IGFL4: variants seen among roughly 807,000 people sequenced by gnomAD.
The protein encoded by IGFL4 is IGF like family member 4, also known as insulin growth factor-like family member 4.
Under a neutral mutation model 15.4 loss-of-function variants are expected in IGFL4, and 12 were observed. That is an observed-to-expected ratio of 0.78 (90% CI 0.50 to 1.26). The LOEUF (loss-of-function observed/expected upper bound fraction) is 1.26, where lower values mean the gene tolerates loss of function less well. Ranked by LOEUF, IGFL4 falls within the 50% of genes most tolerant of loss-of-function variation. The pLI is 0.00. For synonymous variants in IGFL4, 54 were observed against 55.9 expected (o/e 0.97, Z 0.16); for missense variants, 126 against 147.8 (o/e 0.85, Z 0.76).
At chr19:46,067,145 C>G (rs963453265) in intron 1 of IGFL4, among the ~76,000 whole-genome samples, 1 of 152,162 alleles carries the variant, frequency 6.6e-6, no homozygotes, top group African/African-American at 2.4e-5. Flanking sequence ...TCTCCTTGTG[C>G]CTGCTTCAAA....
chr19:46,076,575 T>C (rs941328184), intron 1 of IGFL4, among the ~76,000 whole-genome samples: 21 of 151,790 alleles, frequency 1.4e-4, no homozygotes, highest in Non-Finnish European at 2.9e-4. Context: ...TCCGTGGTTC[T>C]AGTTCTTCCT....
At chr19:46,058,017 A>G (rs1319655187) in intron 2 of IGFL4, 1 of 152,122 alleles carries the variant, frequency 6.6e-6, no homozygotes, top group Non-Finnish European at 1.5e-5. Context: ...CCCAAATTTC[A>G]TGTTCTCACA....
upstream of IGFL4, among the ~76,000 whole-genome samples, chr19:46,041,967 T>C (rs187174654): frequency 6.6e-6 from 1 of 151,726 alleles, no homozygotes; most frequent in African/African-American, 2.4e-5. Flanking sequence ...GCCTCTTGAG[T>C]AGCTGGGACT....
intron 2 of IGFL4, among the ~76,000 whole-genome samples, chr19:46,052,820 A>G (rs1341775130): frequency 1.3e-5 from 2 of 151,644 alleles, no homozygotes; most frequent in African/African-American, 2.4e-5. Flanking sequence ...AATGTACATT[A>G]CATGTTTTAT....
At chr19:46,044,606 G>T (rs1002010862), upstream of IGFL4, among the ~76,000 whole-genome samples, 1 of 152,208 alleles carries the variant, frequency 6.6e-6, no homozygotes, top group African/African-American at 2.4e-5. Context: ...ATGAGGAAGG[G>T]TTCCCCACAA....
intron 1 of IGFL4, among the ~76,000 whole-genome samples, chr19:46,061,892 C>G (rs997606297): frequency 1.3e-5 from 2 of 152,180 alleles, no homozygotes; most frequent in Non-Finnish European, 2.9e-5. Flanking sequence ...TATTTCCTAT[C>G]TAGTTATTAC....
chr19:46,043,193 GC>G (rs905343640), upstream of IGFL4, among the ~76,000 whole-genome samples: 16 of 152,110 alleles, frequency 1.1e-4, no homozygotes, highest in African/African-American at 3.4e-4. Flanking sequence ...CATTTATAAT[GC>G]CCCCCTACTG....
At chr19:46,045,729 A>C (rs751846867), upstream of IGFL4, among the ~76,000 whole-genome samples, 58 of 152,278 alleles carry the variant, frequency 3.8e-4, no homozygotes, top group Middle Eastern at 6.8e-3. Flanking sequence ...GAGAAAAAAG[A>C]ACAAAAAGAA....
At chr19:46,050,719 G>T (rs879505796) in intron 2 of IGFL4, among the ~76,000 whole-genome samples, 3 of 152,194 alleles carry the variant, frequency 2.0e-5, no homozygotes, top group African/African-American at 4.8e-5. Context: ...AGGAAGAAGA[G>T]AAATCTAAAA....
chr19:46,063,758 G>A (rs1969468659), intron 1 of IGFL4, among the ~76,000 whole-genome samples: 1 of 152,142 alleles, frequency 6.6e-6, no homozygotes, highest in South Asian at 2.1e-4. Context: ...TAATAAAAGT[G>A]TACAAGATCT....
At chr19:46,055,018 C>T (rs948976414) in intron 2 of IGFL4, among the ~76,000 whole-genome samples, 19 of 152,050 alleles carry the variant, frequency 1.2e-4, no homozygotes, top group Non-Finnish European at 4.4e-5. Flanking sequence ...TCTTTGGTGT[C>T]TTGGTGACTA....
At chr19:46,041,118 G>A (rs1969239038), upstream of IGFL4, 2 of 645,224 alleles carry the variant, frequency 3.1e-6, no homozygotes, top group Non-Finnish European at 5.3e-6. Flanking sequence ...GAGCTGCAGG[G>A]AACATAAATA....
chr19:46,040,072 A>C lies in IGFL4; in HGVS notation c.330+85T>G. The C allele has an allele frequency of 6.5e-6, 10 of 1,545,832 alleles. No individual in the cohort carries two copies. The highest frequency in any genetic ancestry group is 1.7e-5 in the Admixed American group (1 of 59,862). The stretch of plus-strand genomic sequence containing the variant: ...TGGGAAGGTATGGAACCCAGCAGAG[A>C]CTGCACATCTGGGTGGGACATGGAC... On this transcript the variant is annotated intron_variant, in intron 3 of 3. Coordinates refer to ENST00000377697, the MANE Select transcript of IGFL4 (RefSeq NM_001002923.3). The surrounding 1 kb of genome is among the most constrained non-coding windows in gnomAD (Gnocchi z 4.1).
chr19:46,052,623 G>T (rs1969355565), intron 2 of IGFL4, among the ~76,000 whole-genome samples: 1 of 151,910 alleles, frequency 6.6e-6, no homozygotes, highest in Admixed American at 6.6e-5. Flanking sequence ...TCGGGAGACT[G>T]AGGCAGGAGA....
chr19:46,075,997 C>T (rs1969591747), intron 1 of IGFL4, among the ~76,000 whole-genome samples: 1 of 152,146 alleles, frequency 6.6e-6, no homozygotes, highest in African/African-American at 2.4e-5. Context: ...AAATTTATCT[C>T]TCACAGTTTC....
intron 2 of IGFL4, among the ~76,000 whole-genome samples, chr19:46,052,899 C>T (rs1969359396): frequency 1.8e-5 from 2 of 112,838 alleles, no homozygotes; most frequent in South Asian, 2.9e-4. Flanking sequence ...GCTTGCTACT[C>T]TGTATCAGCA....
intron 2 of IGFL4, among the ~76,000 whole-genome samples, chr19:46,048,623 A>G (rs900920034): frequency 1.3e-5 from 2 of 152,134 alleles, no homozygotes; most frequent in African/African-American, 4.8e-5. Context: ...TACACCAACA[A>G]CAGGCAAGCA....
chr19:46,047,582 A>C (rs1044563214), intron 2 of IGFL4, among the ~76,000 whole-genome samples: 1 of 152,332 alleles, frequency 6.6e-6, no homozygotes, highest in African/African-American at 2.4e-5. Flanking sequence ...AGAAATGACA[A>C]GGGAGATATT....
intron 1 of IGFL4, among the ~76,000 whole-genome samples, chr19:46,065,097 A>G (rs1376138532): frequency 1.3e-5 from 2 of 152,152 alleles, no homozygotes; most frequent in Non-Finnish European, 2.9e-5. Context: ...TTCTTTTGAT[A>G]TATGTCTATT....
Sources: gnomAD v4.1 joint callset for allele counts (sites outside exome capture counted in the v4.1 genomes callset) on GRCh38, gnomAD v4.1.1 for gene constraint, Gnocchi (gnomAD v3.1) non-coding constraint, MANE v1.5 for transcripts, NCBI Gene and HGNC (gene_info 2026-07-23, HGNC 2026-07-21) for gene names.